The following SNAPC3 variants were observed in gnomAD, a reference collection of about 807,000 sequenced individuals.
SNAPC3 encodes the protein small nuclear RNA activating complex polypeptide 3, also known as snRNA-activating protein complex subunit 3.
SNAPC3 carries 56 observed loss-of-function variants against 47.7 expected under a neutral mutation model. The ratio of observed to expected loss-of-function variants is 1.18; its 90% CI spans 0.95 to 1.47. SNAPC3 has a LOEUF of 1.47. SNAPC3 is among the 40% of genes most tolerant of loss of function. The probability of loss-of-function intolerance (pLI) is 0.00; values close to 1 mark genes in which losing one functional copy is unlikely to be tolerated. For missense variants in SNAPC3, 665 were observed against 511.3 expected (o/e 1.30, Z -2.90); for synonymous variants, 235 against 189.9 (o/e 1.24, Z -1.95).
chr9:15,434,197 G>A (rs2032516713), intron 3 of SNAPC3, among the ~76,000 whole-genome samples: 1 of 152,070 alleles, frequency 6.6e-6, no homozygotes, highest in African/African-American at 2.4e-5. Context: ...TCAATTAAGT[G>A]GCAATAAGTA....
In SNAPC3 at chr9:15,447,184, C is replaced by A; in HGVS notation, c.672C>A (p.Asp224Glu). The A allele has an allele frequency of 6.2e-7, 1 of 1,613,930 alleles. No homozygotes were observed. The highest frequency in any genetic ancestry group is 2.2e-5 in the East Asian group (1 of 44,882). ...GGGATTCAATTCGATGTGTCAGTGA[C>A]CTCCAGATTGGTGGTGAATTCAGCA... Reference protein sequence around the residue: ...QLRDSIRCVSDLQIGGEFSNT... With the variant: ...QLRDSIRCVSELQIGGEFSNT... The change falls in exon 5 of 9, where the codon GAC (aspartate) becomes GAA (glutamate). Residue 224 changes from aspartate (D) to glutamate (E), a missense_variant. Transcript: ENST00000380821.
chr9:15,428,684 GGAA>G (rs1228890505), intron 2 of SNAPC3, among the ~76,000 whole-genome samples: 1 of 151,750 alleles, frequency 6.6e-6, no homozygotes, highest in East Asian at 1.9e-4. Context: ...TGAAACAAAG[GGAA>G]GAAATGGAAG....
At chr9:15,430,270 A>C (rs184132849) in intron 2 of SNAPC3, among the ~76,000 whole-genome samples, 2 of 152,262 alleles carry the variant, frequency 1.3e-5, no homozygotes, top group Non-Finnish European at 2.9e-5. Context: ...GTATCTACAA[A>C]AAATAAAAAC....
chr9:15,453,081 G>A lies in SNAPC3; in HGVS notation c.856G>A (p.Gly286Arg), dbSNP rs760117089. ...GTCAGAGTCCCATGATAGAGGCTAT[G>A]GAAAGTTTCAGACTGCTAGAATGGA... is the stretch of plus-strand genomic sequence containing the variant. ...EWSESHDRGY[G>R]KFQTARMEDF... Residue 286 changes from glycine to arginine, a missense_variant, in exon 7 of 9, where the codon GGA becomes AGA. Physicochemically the swap from Gly to Arg is moderately radical, Grantham distance 125 (BLOSUM62 -2). Coordinates refer to ENST00000380821, the MANE Select transcript of SNAPC3 (RefSeq NM_001039697.2). 3 of 1,613,696 alleles carry A rather than the reference G, an allele frequency of 1.9e-6. No individual in the cohort carries two copies. The East Asian group carries it at 6.7e-5, about 36-fold the overall frequency.
In SNAPC3 at chr9:15,430,948, C is replaced by G. The variant is rs535731159; in HGVS notation, c.393-2604C>G. Among the ~76,000 whole-genome samples the G allele has an allele frequency of 3.3e-5, 5 of 152,308 alleles. No homozygotes were observed. In the South Asian group the frequency reaches 1.0e-3, roughly 32 times the overall value. ...TTCAAATTTACCTCTTTTTCCTGCTCTGTAAAAATGGACCTTGGCCTTTTA... is the reference window on the plus strand; with the variant it reads ...TTCAAATTTACCTCTTTTTCCTGCTGTGTAAAAATGGACCTTGGCCTTTTA... On this transcript the variant is annotated intron_variant, in intron 2 of 8. Coordinates refer to ENST00000380821, the MANE Select transcript of SNAPC3 (RefSeq NM_001039697.2).
chr9:15,465,473 A>G (rs750477137), downstream of SNAPC3: 2 of 1,440,866 alleles, frequency 1.4e-6, no homozygotes, highest in South Asian at 1.2e-5. Context: ...TCAAATGAAA[A>G]CCATTACAAA....
intron 3 of SNAPC3, 151 bp downstream of exon 3, chr9:15,433,787 G>C: frequency 2.0e-6 from 1 of 492,156 alleles, no homozygotes. Context: ...GGGAACTAGT[G>C]AGAGAAGAGG....
At chr9:15,444,936 C>A (rs910568507) in intron 4 of SNAPC3, among the ~76,000 whole-genome samples, 1 of 151,882 alleles carries the variant, frequency 6.6e-6, no homozygotes. Flanking sequence ...TACTAAAAAT[C>A]AAAAAAATTA....
intron 5 of SNAPC3, 66 bp downstream of exon 5, chr9:15,447,310 C>T: frequency 7.0e-7 from 1 of 1,431,270 alleles, no homozygotes; most frequent in Non-Finnish European, 9.8e-7. Context: ...ATTACTCTAG[C>T]TGGTTCATAA....
intron 5 of SNAPC3, among the ~76,000 whole-genome samples, chr9:15,449,553 A>G (rs866049805): frequency 5.3e-5 from 2 of 37,588 alleles, no homozygotes; most frequent in East Asian, 7.0e-4. Context: ...ATATATATAT[A>G]TATATATATA....
intron 5 of SNAPC3, among the ~76,000 whole-genome samples, chr9:15,448,518 T>A (rs1479628894): frequency 6.6e-6 from 1 of 152,208 alleles, no homozygotes; most frequent in Non-Finnish European, 1.5e-5. Context: ...CTTTCTTTGT[T>A]ACCCTGGCAC....
intron 3 of SNAPC3, among the ~76,000 whole-genome samples, chr9:15,435,478 C>T (rs1187945270): frequency 6.6e-6 from 1 of 151,702 alleles, no homozygotes; most frequent in Non-Finnish European, 1.5e-5. Context: ...GAGACTGAAA[C>T]AGGAGAATTG....
intron 3 of SNAPC3, among the ~76,000 whole-genome samples, chr9:15,441,852 T>TG (rs1409038623): frequency 1.3e-5 from 2 of 152,196 alleles, no homozygotes; most frequent in Non-Finnish European, 2.9e-5. Flanking sequence ...ATTTCCCCCT[T>TG]TTCTATTCGA....
chr9:15,458,319 A>T (rs1225133022), intron 8 of SNAPC3, among the ~76,000 whole-genome samples: 1 of 152,350 alleles, frequency 6.6e-6, no homozygotes, highest in East Asian at 1.9e-4. Context: ...CAGCTAGGTG[A>T]ATAAAAATAA....
chr9:15,439,042 C>T (rs1038782258), intron 3 of SNAPC3, among the ~76,000 whole-genome samples: 2 of 152,208 alleles, frequency 1.3e-5, no homozygotes, highest in Non-Finnish European at 2.9e-5. Context: ...TAGGGTCTTG[C>T]TCTCTTGCCC....
chr9:15,456,869 TCATTCATTGC>T (rs1259631381), intron 7 of SNAPC3, among the ~76,000 whole-genome samples: 1 of 152,250 alleles, frequency 6.6e-6, no homozygotes, highest in Non-Finnish European at 1.5e-5. Context: ...GTGGATTTAA[TCATTCATTGC>T]CATTCCATAA....
At chr9:15,457,824 T>G (rs1252283842) in intron 7 of SNAPC3, 136 bp from the exon 8 acceptor site, 11 of 583,306 alleles carry the variant, frequency 1.9e-5, no homozygotes, top group Middle Eastern at 3.0e-4. Context: ...TAACAAGTAA[T>G]TCAGCAACAT....
intron 6 of SNAPC3, among the ~76,000 whole-genome samples, chr9:15,451,711 A>T (rs943536043): frequency 3.9e-5 from 6 of 152,186 alleles, no homozygotes; most frequent in Admixed American, 6.5e-5. Flanking sequence ...CTCTAAAAAA[A>T]AAATAAATAA....
intron 2 of SNAPC3, among the ~76,000 whole-genome samples, chr9:15,428,097 C>T (rs1303994903): frequency 3.2e-5 from 4 of 124,188 alleles, no homozygotes; most frequent in South Asian, 5.4e-4. Context: ...GGTGACACAG[C>T]GCAACTCTGT....
Sources: gnomAD v4.1 joint callset for allele counts (sites outside exome capture counted in the v4.1 genomes callset) on GRCh38, gnomAD v4.1.1 for gene constraint, MANE v1.5 for transcripts, NCBI Gene and HGNC (gene_info 2026-07-23, HGNC 2026-07-21) for gene names.